The following TMEM132D variants were observed in gnomAD, a reference collection of about 807,000 sequenced individuals.
The protein encoded by TMEM132D is transmembrane protein 132D, also known as mature OL transmembrane protein.
In TMEM132D, 21 loss-of-function variants were observed where a neutral mutation model predicts 62.3. The ratio of observed to expected loss-of-function variants is 0.34; its 90% CI spans 0.24 to 0.49. TMEM132D has a LOEUF of 0.49. Ranked by LOEUF, TMEM132D falls within the 20% of genes least tolerant of loss-of-function variation. The pLI is 0.99. For missense variants in TMEM132D, 1,346 were observed against 1,402.8 expected (o/e 0.96, Z 0.65); for synonymous variants, 621 against 575.6 (o/e 1.08, Z -1.13).
intron 1 of TMEM132D, among the ~76,000 whole-genome samples, chr12:129,707,656 G>T (rs1881538958): frequency 6.6e-6 from 1 of 152,144 alleles, no homozygotes; most frequent in Non-Finnish European, 1.5e-5. Flanking sequence ...TCAATATGTT[G>T]GACAGTATAC....
chr12:129,645,750 A>G (rs899441714), intron 2 of TMEM132D, among the ~76,000 whole-genome samples: 1 of 152,184 alleles, frequency 6.6e-6, no homozygotes, highest in African/African-American at 2.4e-5. Context: ...GGCCAAATGC[A>G]CTAAAACCAA....
chr12:129,450,842 T>G (rs946645048), intron 3 of TMEM132D, among the ~76,000 whole-genome samples: 1 of 148,782 alleles, frequency 6.7e-6, no homozygotes, highest in African/African-American at 2.5e-5. Context: ...CTGCAACTTC[T>G]GCCTCTCGGG....
intron 2 of TMEM132D, among the ~76,000 whole-genome samples, chr12:129,609,912 G>A (rs1368264714): frequency 1.3e-5 from 2 of 152,226 alleles, no homozygotes; most frequent in Non-Finnish European, 2.9e-5. Context: ...AGAAAGGGGC[G>A]TGGTCTACAT....
chr12:129,190,096 CTTGCAGATGGAGGGAGGGGTCTTGGGGG>C (rs1878342301), intron 5 of TMEM132D, among the ~76,000 whole-genome samples: 1 of 39,460 alleles, frequency 2.5e-5, no homozygotes, highest in Non-Finnish European at 6.1e-5. Context: ...GAGTCTCAGG[CTTGCAGATGGAGGGAGGGGTCTTGGGGG>C]CCTGCAGATG....
chr12:129,223,312 A>T (rs1245390958), intron 4 of TMEM132D, among the ~76,000 whole-genome samples: 2 of 151,980 alleles, frequency 1.3e-5, no homozygotes, highest in Non-Finnish European at 2.9e-5. Flanking sequence ...GACAGCTCCA[A>T]CCTTGTTTTC....
chr12:129,393,744 C>A (rs539037525), intron 3 of TMEM132D, among the ~76,000 whole-genome samples: 1 of 152,234 alleles, frequency 6.6e-6, no homozygotes, highest in East Asian at 1.9e-4. Flanking sequence ...AGCAAGCAAC[C>A]CACGCCAAAC....
chr12:129,438,053 G>A (rs1244264819), intron 3 of TMEM132D, among the ~76,000 whole-genome samples: 1 of 152,062 alleles, frequency 6.6e-6, no homozygotes, highest in Admixed American at 6.6e-5. Flanking sequence ...CCATGTTCCT[G>A]CTAAGGACAT....
chr12:129,491,594 C>G (rs1471135338), intron 3 of TMEM132D, among the ~76,000 whole-genome samples: 2 of 152,188 alleles, frequency 1.3e-5, no homozygotes, highest in Non-Finnish European at 2.9e-5. Flanking sequence ...GACACTGGAA[C>G]CAGCATTTGA....
intron 2 of TMEM132D, among the ~76,000 whole-genome samples, chr12:129,566,710 T>C (rs1343926374): frequency 1.3e-5 from 2 of 152,242 alleles, no homozygotes; most frequent in African/African-American, 4.8e-5. Context: ...GGTCTTTTCC[T>C]GATTGAGGAG....
At chr12:129,549,455 T>C (rs752680465) in intron 2 of TMEM132D, among the ~76,000 whole-genome samples, 1 of 152,138 alleles carries the variant, frequency 6.6e-6, no homozygotes, top group Non-Finnish European at 1.5e-5. Context: ...TGAATAAGTC[T>C]CATGGGATCT....
At position 129,700,354 on chromosome 12, in the gene TMEM132D, G is replaced by A. The variant is rs368850505; in HGVS notation, c.424C>T (p.Arg142Trp). The change falls in exon 2 of 9, where the codon CGG (arginine) becomes TGG (tryptophan). Residue 142 changes from arginine (R) to tryptophan (W), a missense_variant. Physicochemically the swap from Arg to Trp is moderately radical, Grantham distance 101. Coordinates refer to ENST00000422113, the MANE Select transcript of TMEM132D (RefSeq NM_133448.3). ...HILRDKVYLS[R>W]PKVQVLFHIM... ...TGGAACAGAACCTGCACTTTGGGCCGGCTCAGGTAGACTTTGTCCCGCAGG... is the reference window on the plus strand; with the variant it reads ...TGGAACAGAACCTGCACTTTGGGCCAGCTCAGGTAGACTTTGTCCCGCAGG... 7.4e-6 allele frequency: 12 copies of A among 1,613,988 alleles called. No individual in the cohort carries two copies. The highest frequency in any genetic ancestry group is 1.7e-5 in the Admixed American group (1 of 60,014).
chr12:129,531,047 G>A lies in TMEM132D; in HGVS notation c.1115+12C>T, dbSNP rs748852447. On this transcript the variant is annotated intron_variant, in intron 3 of 8. Transcript: ENST00000422113. ...GCTGATCTGAATATATCGGAGGCCA[G>A]TTGGGACTCACCTGTTTTCTGAGCC... 1.2e-6 allele frequency: 2 copies of A among 1,607,406 alleles called. No homozygotes were observed. Among genetic ancestry groups the A allele is most frequent in the Non-Finnish European group, 8.5e-7 (1 of 1,176,172 alleles).
chr12:129,328,200 C>G (rs1168189866), intron 4 of TMEM132D, among the ~76,000 whole-genome samples: 1 of 152,220 alleles, frequency 6.6e-6, no homozygotes, highest in Non-Finnish European at 1.5e-5. Flanking sequence ...CTATTTTCTT[C>G]CAAGCATGTA....
rs1041735831 is a variant in TMEM132D at position 129,453,826 on chromosome 12, G to C, written c.1115+77233C>G. 1.9e-4 allele frequency among the ~76,000 whole-genome samples: 29 copies of C among 152,202 alleles called. 1 individual carries two copies. Among genetic ancestry groups the C allele is most frequent in the African/African-American group, 5.1e-4 (21 of 41,440 alleles). ...TTGAACTAATCACTGCTACTACTGT[G>C]TGTGCATCTGCGTGTTCCTGTGTCT... On this transcript the variant is annotated intron_variant, in intron 3 of 8. Transcript: ENST00000422113.
intron 1 of TMEM132D, among the ~76,000 whole-genome samples, chr12:129,894,897 A>G (rs1001182629): frequency 6.6e-6 from 1 of 152,146 alleles, no homozygotes; most frequent in Non-Finnish European, 1.5e-5. Context: ...GCATGTTGCA[A>G]TATCCCCTTT....
At chr12:129,434,114 G>A (rs967680121) in intron 3 of TMEM132D, among the ~76,000 whole-genome samples, 3 of 152,144 alleles carry the variant, frequency 2.0e-5, no homozygotes, top group South Asian at 2.1e-4. Context: ...TCTAGATCTC[G>A]TTTATAACAG....
chr12:129,118,783 C>T (rs1048254966), intron 5 of TMEM132D, among the ~76,000 whole-genome samples: 1 of 152,136 alleles, frequency 6.6e-6, no homozygotes, highest in Admixed American at 6.5e-5. Context: ...GTTGCCTTTG[C>T]TGTAAGAGTG....
chr12:129,478,091 T>C (rs1235896352), intron 3 of TMEM132D, among the ~76,000 whole-genome samples: 3 of 152,144 alleles, frequency 2.0e-5, no homozygotes, highest in Non-Finnish European at 1.5e-5. Flanking sequence ...GATAAGTACT[T>C]GTCTATCTAA....
chr12:129,562,196 T>C (rs1877253450), intron 2 of TMEM132D, among the ~76,000 whole-genome samples: 1 of 152,192 alleles, frequency 6.6e-6, no homozygotes, highest in Non-Finnish European at 1.5e-5. Flanking sequence ...ATAATCCATC[T>C]CAGTGGATTT....
Sources: allele counts gnomAD v4.1 joint callset (sites outside exome capture counted in the v4.1 genomes callset), GRCh38; gene constraint gnomAD v4.1.1; transcripts MANE v1.5; gene names NCBI Gene and HGNC (gene_info 2026-07-23, HGNC 2026-07-21).